Variants in BIRC6 observed in about 807,000 individuals in gnomAD.
The protein encoded by BIRC6 is dual E2 ubiquitin-conjugating enzyme/E3 ubiquitin-protein ligase BIRC6.
A neutral mutation model predicts 503.3 loss-of-function variants in BIRC6; 98 were observed. That is an observed-to-expected ratio of 0.19 (90% CI 0.17 to 0.23). The LOEUF is 0.23. Ranked by LOEUF, BIRC6 falls within the 10% of genes least tolerant of loss-of-function variation. The pLI is 1.00. For synonymous variants in BIRC6, 2,240 were observed against 2,078.7 expected, an observed-to-expected ratio of 1.08 and a Z score of -2.11; for missense variants, 5,360 against 5,806.0, an observed-to-expected ratio of 0.92 and a Z score of 2.50.
chr2:32,536,134 C>T (rs996383979), intron 61 of BIRC6, among the ~76,000 whole-genome samples: 1 of 152,142 alleles, frequency 6.6e-6, no homozygotes, highest in Non-Finnish European at 1.5e-5. Flanking sequence ...ATATCCTTCG[C>T]CCACTTTTTG....
chr2:32,579,784 A>G (rs377562210), intron 66 of BIRC6, among the ~76,000 whole-genome samples: 2 of 152,150 alleles, frequency 1.3e-5, no homozygotes, highest in African/African-American at 2.4e-5. Flanking sequence ...ATTCATGATT[A>G]TAAGAAATTC....
rs1278160623 is a variant in BIRC6, at chr2:32,510,451, A to G, written c.10238-75A>G. 13 of 855,696 alleles carry G rather than the reference A, an allele frequency of 1.5e-5. 1 individual carries two copies. In the Admixed American group the frequency reaches 2.2e-4, roughly 15 times the overall value. 53.0% of individuals were successfully genotyped at this position (855,696 alleles called of 1,614,324 possible). ...AAGCCTCATTTTTAATGAATAACTT[A>G]ATTCAATTAAGTAAATCTTCCCATG... On this transcript the variant is annotated intron_variant, in intron 52 of 73. Transcript: ENST00000421745.
rs987451661 is a variant in BIRC6, at chr2:32,370,083, G to A, written c.326-7505G>A. ...GTATACACACACACACACACACACA[G>A]CACGCACGGGTGTGCCAAGTTCAGC... On this transcript the variant is annotated intron_variant, in intron 1 of 73. Coordinates refer to ENST00000421745, the MANE Select transcript of BIRC6 (RefSeq NM_016252.4). Among the ~76,000 whole-genome samples, 7 of 142,600 alleles carry A rather than the reference G, an allele frequency of 4.9e-5. No homozygotes were observed. The Admixed American group carries it at 5.0e-4, about 10-fold the overall frequency. The allele number at this position is 142,600 out of a possible 152,430, so 93.6% of individuals were successfully genotyped here.
chr2:32,504,483 C>T (rs1314735954), intron 49 of BIRC6, among the ~76,000 whole-genome samples: 9 of 151,660 alleles, frequency 5.9e-5, no homozygotes, highest in South Asian at 2.1e-4. Context: ...CCGGCTAACA[C>T]GGTGAAACCC....
chr2:32,608,481 C>T (rs1002526771), intron 72 of BIRC6, among the ~76,000 whole-genome samples: 4 of 152,104 alleles, frequency 2.6e-5, no homozygotes, highest in Admixed American at 6.6e-5. Flanking sequence ...ATGGCATGAT[C>T]TTGGCTCACT....
chr2:32,421,146 C>T lies in BIRC6; in HGVS notation c.2872+4983C>T, dbSNP rs142666261. 2.4e-3 allele frequency among the ~76,000 whole-genome samples: 351 copies of T among 146,050 alleles called. 1 individual carries two copies. In the Middle Eastern group the frequency reaches 0.029, roughly 12 times the overall value. On this transcript the variant is annotated intron_variant, in intron 10 of 73. Transcript: ENST00000421745. The stretch of plus-strand genomic sequence containing the variant: ...TTTTTTTGACACAGAGTTTCACTGT[C>T]GCCAGGCTGGACTGCAGTGGCTCGA...
chr2:32,585,376 G>T (rs2060957940), intron 66 of BIRC6, among the ~76,000 whole-genome samples: 1 of 149,876 alleles, frequency 6.7e-6, no homozygotes, highest in South Asian at 2.1e-4. Context: ...ACAATATTTG[G>T]TTCTTTTGTT....
At chr2:32,452,890 T>C (rs182843995) in intron 22 of BIRC6, among the ~76,000 whole-genome samples, 105 of 152,246 alleles carry the variant, frequency 6.9e-4, no homozygotes, top group African/African-American at 2.5e-3. Context: ...TTTTGGAGCA[T>C]GTGTCAGGCC....
intron 71 of BIRC6, among the ~76,000 whole-genome samples, chr2:32,605,007 T>C (rs1306979187): frequency 6.6e-6 from 1 of 151,824 alleles, no homozygotes; most frequent in Non-Finnish European, 1.5e-5. Flanking sequence ...CTTAGCCTCC[T>C]GAGTAGCTGA....
Position 32,377,671 on chromosome 2 carries a change from A to C in BIRC6, c.409A>C (p.Arg137=). The C allele has an allele frequency of 6.2e-7, 1 of 1,613,550 alleles. No homozygotes were observed. The highest frequency in any genetic ancestry group is 8.5e-7 in the Non-Finnish European group (1 of 1,179,588). The part of the protein sequence containing the change: ...IFVDDYAVGC[R]KDLNGILLLD... ...TGTGGATGATTATGCAGTAGGGTGT[A>C]GGAAGGACCTTAATGGAATCTTGTT... is the stretch of plus-strand genomic sequence containing the variant. The change falls in exon 2 of 74, where the codon AGG becomes CGG. Residue 137 remains arginine (R), a synonymous_variant. Coordinates refer to ENST00000421745, the MANE Select transcript of BIRC6 (RefSeq NM_016252.4).
chr2:32,532,172 G>GTGTGTGTGTGTGA (rs770045151), intron 61 of BIRC6: 1 of 85,664 alleles, frequency 1.2e-5, no homozygotes, highest in Non-Finnish European at 2.4e-5. Context: ...TGTGTGTGTG[G>GTGTGTGTGTGTGA]TTATTTTGGT....
chr2:32,529,434 CTTT>C, intron 59 of BIRC6: 1 of 412,898 alleles, frequency 2.4e-6, no homozygotes, highest in Non-Finnish European at 4.2e-6. Context: ...TTGCCCATGA[CTTT>C]TTAACACTTT....
In BIRC6 at chr2:32,482,372, C is replaced by T. The variant is rs577540254; in HGVS notation, c.7543-57C>T. The T allele has an allele frequency of 1.1e-3, 1,693 of 1,534,166 alleles. 5 individuals carry two copies. Among genetic ancestry groups the T allele is most frequent in the Non-Finnish European group, 1.3e-3 (1,424 of 1,122,716 alleles). On this transcript the variant is annotated intron_variant, in intron 38 of 73. Coordinates refer to ENST00000421745, the MANE Select transcript of BIRC6 (RefSeq NM_016252.4). ...GTTTGGGTTTAGATAATGTAAATAA[C>T]GTGTCATTCAGCCAAGAGGCAAAAA...
intron 1 of BIRC6, among the ~76,000 whole-genome samples, chr2:32,366,512 A>G (rs951649033): frequency 6.6e-6 from 1 of 152,180 alleles, no homozygotes; most frequent in Non-Finnish European, 1.5e-5. Flanking sequence ...ATTGTTAAAC[A>G]TTTAGTAGTC....
intron 65 of BIRC6, among the ~76,000 whole-genome samples, chr2:32,550,914 GATCGAA>G: frequency 6.6e-6 from 1 of 152,222 alleles, no homozygotes; most frequent in African/African-American, 2.4e-5. Flanking sequence ...TAATGTGACA[GATCGAA>G]GTTTGACCTT....
intron 61 of BIRC6, among the ~76,000 whole-genome samples, chr2:32,540,197 T>C (rs2057548649): frequency 6.6e-6 from 1 of 152,096 alleles, no homozygotes; most frequent in Non-Finnish European, 1.5e-5. Context: ...GAAATCACAT[T>C]AATCCCATGT....
chr2:32,401,321 A>C lies in BIRC6; in HGVS notation c.1193A>C (p.His398Pro), dbSNP rs756969910. 2.5e-6 allele frequency: 4 copies of C among 1,613,928 alleles called. No individual in the cohort carries two copies. In the South Asian group the frequency reaches 4.4e-5, roughly 18 times the overall value. The change falls in exon 7 of 74, where the codon CAT (histidine) becomes CCT (proline). Residue 398 changes from histidine to proline, a missense_variant. Around this residue, in one of 16 missense-constraint regions of BIRC6, gnomAD observed 92 missense variants for 176.7 expected, o/e 0.52. Transcript: ENST00000421745. ...TGCTTTGGGTCGGGGAGCTGCCCTC[A>C]TTTTCTAGCTGCTGCAACTAAACGA... is the stretch of plus-strand genomic sequence containing the variant. ...ISCFGSGSCPHFLAAATKRGK... is the reference protein window; with the variant it reads ...ISCFGSGSCPPFLAAATKRGK...
chr2:32,516,585 C>G (rs1337006401), intron 55 of BIRC6, among the ~76,000 whole-genome samples: 4 of 106,646 alleles, frequency 3.8e-5, no homozygotes, highest in Non-Finnish European at 7.6e-5. Flanking sequence ...CAGAGTGAGA[C>G]TCCATCTCAA....
rs1386955854 is a variant in BIRC6 at position 32,545,731 on chromosome 2, A to G, written c.12681A>G (p.Thr4227=). The G allele has an allele frequency of 2.2e-5, 36 of 1,613,822 alleles. No homozygotes were observed. Among genetic ancestry groups the G allele is most frequent in the Non-Finnish European group, 2.8e-5 (33 of 1,179,858 alleles). Reference sequence around the variant, plus strand: ...GCTTGTTTAGCACTACACCTTTGACAACTGATGATGGTGTACTTCTAAGGC... The same window carrying G: ...GCTTGTTTAGCACTACACCTTTGACGACTGATGATGGTGTACTTCTAAGGC... The part of the protein sequence containing the change: ...LRSLFSTTPL[T]TDDGVLLRRM... Residue 4227 remains threonine, a synonymous_variant, in exon 63 of 74, where the codon ACA becomes ACG. Transcript: ENST00000421745.
Sources: allele counts gnomAD v4.1 joint callset (sites outside exome capture counted in the v4.1 genomes callset), GRCh38; gene constraint gnomAD v4.1.1; regional missense constraint gnomAD v4.1.1; transcripts MANE v1.5; gene names NCBI Gene and HGNC (gene_info 2026-07-23, HGNC 2026-07-21).